The following ARFGEF1 variants were observed in gnomAD, a reference collection of about 807,000 sequenced individuals.
The protein encoded by ARFGEF1 is brefeldin A-inhibited guanine nucleotide-exchange protein 1.
In ARFGEF1, 42 loss-of-function variants were observed where a neutral mutation model predicts 231.0. The ratio of observed to expected loss-of-function variants is 0.18; its 90% CI spans 0.14 to 0.24. The LOEUF (loss-of-function observed/expected upper bound fraction) is 0.24, where lower values mean the gene tolerates loss of function less well. ARFGEF1 is among the 10% of genes least tolerant of loss of function. The pLI is 1.00. For missense variants in ARFGEF1, 1,345 were observed against 2,192.0 expected, an observed-to-expected ratio of 0.61 and a Z score of 7.72; for synonymous variants, 710 against 732.3, an observed-to-expected ratio of 0.97 and a Z score of 0.49.
chr8:67,200,198 C>T (rs112696023), intron 38 of ARFGEF1, 198 bp downstream of exon 38: 2 of 634,518 alleles, frequency 3.2e-6, no homozygotes, highest in Admixed American at 2.1e-5. Flanking sequence ...AATTAGTGAA[C>T]AAAGCTGGGT....
intron 25 of ARFGEF1, 60 bp from the exon 26 acceptor site, chr8:67,227,658 C>T: frequency 6.4e-7 from 1 of 1,550,706 alleles, no homozygotes; most frequent in Non-Finnish European, 8.8e-7. Context: ...ATCTACAATT[C>T]TTTATTTTTT....
chr8:67,339,767 T>C (rs1808518906), intron 1 of ARFGEF1, among the ~76,000 whole-genome samples: 1 of 76,596 alleles, frequency 1.3e-5, no homozygotes. Context: ...GGGCTTCTTA[T>C]CAGTTGTAAC....
chr8:67,304,600 A>G (rs1252187937), intron 1 of ARFGEF1, among the ~76,000 whole-genome samples: 3 of 152,238 alleles, frequency 2.0e-5, no homozygotes. Context: ...GCCGAGGCAC[A>G]TCGATCACTT....
intron 33 of ARFGEF1, among the ~76,000 whole-genome samples, chr8:67,215,191 AAG>A (rs1255888154): frequency 6.6e-6 from 1 of 152,198 alleles, no homozygotes; most frequent in Middle Eastern, 3.2e-3. Context: ...GAGCATACTC[AAG>A]AGTGTCATCC....
Position 67,318,129 on chromosome 8 carries a change from C to T in ARFGEF1, c.125-15663G>A, listed in dbSNP as rs111603085. Among the ~76,000 whole-genome samples the T allele has an allele frequency of 5.8e-3, 872 of 150,038 alleles. 7 individuals carry two copies. The highest frequency in any genetic ancestry group is 0.019 in the African/African-American group (787 of 40,976). On this transcript the variant is annotated intron_variant, in intron 1 of 38. Transcript: ENST00000262215. ...GCGGGCGCCTATAGTCCCAGCTACT[C>T]GGGAGGCTGATGCAGGAGAATGGCG... is the stretch of plus-strand genomic sequence containing the variant.
At position 67,203,236 on chromosome 8, in the gene ARFGEF1, A is replaced by T. The variant is rs1838395758; in HGVS notation, c.4975T>A (p.Phe1659Ile). The part of the protein sequence containing the change: ...LAAAQRDAVD[F>I]DVRVDTQDQG... ...TCTTGAGTATCAACGCGAACATCAA[A>T]GTCCACCGCATCTCTCTTTGGAAAA... is the stretch of plus-strand genomic sequence containing the variant. The change falls in exon 36 of 39, where the codon TTT becomes ATT. Residue 1659 changes from phenylalanine to isoleucine, a missense_variant. This residue lies in a region of ARFGEF1 where 161 missense variants were observed against 284.9 expected (regional missense o/e 0.57). Transcript: ENST00000262215. 1 of 1,613,934 alleles carries T rather than the reference A, an allele frequency of 6.2e-7. No homozygotes were observed. Among genetic ancestry groups the T allele is most frequent in the African/African-American group, 1.3e-5 (1 of 75,038 alleles).
At chr8:67,275,680 G>A (rs1011178611) in intron 9 of ARFGEF1, among the ~76,000 whole-genome samples, 3 of 152,044 alleles carry the variant, frequency 2.0e-5, no homozygotes, top group Non-Finnish European at 4.4e-5. Flanking sequence ...CTAGAATGCT[G>A]TCATACCCTT....
intron 22 of ARFGEF1, among the ~76,000 whole-genome samples, chr8:67,236,480 GACA>G (rs1182967613): frequency 7.1e-6 from 1 of 141,098 alleles, no homozygotes; most frequent in African/African-American, 2.6e-5. Context: ...AAATTCTGAT[GACA>G]ACATTCTGCT....
At position 67,338,201 on chromosome 8, in the gene ARFGEF1, C is replaced by T. The variant is rs993754073; in HGVS notation, c.124+4963G>A. On this transcript the variant is annotated intron_variant, in intron 1 of 38. Transcript: ENST00000262215. ...TCTACTGCTCCTTATTTCGGACTTT[C>T]TTCTCCTTCCCACACTATTAACACA... Among the ~76,000 whole-genome samples the T allele has an allele frequency of 3.3e-5, 5 of 152,184 alleles. 1 individual carries two copies. Among genetic ancestry groups the T allele is most frequent in the Admixed American group, 3.3e-4 (5 of 15,282 alleles).
intron 36 of ARFGEF1, among the ~76,000 whole-genome samples, chr8:67,202,190 C>G (rs975050678): frequency 6.6e-6 from 1 of 152,180 alleles, no homozygotes; most frequent in Non-Finnish European, 1.5e-5. Flanking sequence ...CCTTCTTTTT[C>G]TCTGCCTTAT....
chr8:67,176,811 C>G (rs1208419354), intron 5 of ARFGEF1, among the ~76,000 whole-genome samples: 1 of 152,130 alleles, frequency 6.6e-6, no homozygotes, highest in Non-Finnish European at 1.5e-5. Flanking sequence ...GTGGCTCACA[C>G]CTGTAATCCC....
chr8:67,310,627 GCCA>G (rs1244473804), intron 1 of ARFGEF1, among the ~76,000 whole-genome samples: 1 of 151,864 alleles, frequency 6.6e-6, no homozygotes, highest in African/African-American at 2.4e-5. Context: ...CCTCTTCCCG[GCCA>G]CCATCACATC....
chr8:67,175,598 TGA>T (rs1419428689), intron 5 of ARFGEF1: 2 of 797,882 alleles, frequency 2.5e-6, no homozygotes, highest in East Asian at 2.7e-5. Context: ...AGAACAAGTA[TGA>T]GAGAGAGCTC....
rs764686681 is a variant in ARFGEF1 at position 67,216,648 on chromosome 8, C to T, written c.4628G>A (p.Arg1543Gln). 4.7e-5 allele frequency: 75 copies of T among 1,608,008 alleles called. No homozygotes were observed. The East Asian group carries it at 6.8e-4, about 14-fold the overall frequency. ...GGGGGCAGTTTCTCCAGAATTGGGTCGCCAGGTCAACAGCCTTTAAGATAC... is the reference window on the plus strand; with the variant it reads ...GGGGGCAGTTTCTCCAGAATTGGGTTGCCAGGTCAACAGCCTTTAAGATAC... ...TTIPHALLTW[R>Q]PNSGETAPPP... Residue 1543 changes from arginine (R) to glutamine (Q), a missense_variant, in exon 33 of 39, where the codon CGA becomes CAA. Transcript: ENST00000262215.
rs145449785 is a variant in ARFGEF1 at position 67,309,205 on chromosome 8, A to T, written c.125-6739T>A. On this transcript the variant is annotated intron_variant, in intron 1 of 38. Coordinates refer to ENST00000262215, the MANE Select transcript of ARFGEF1 (RefSeq NM_006421.5). ...TGATTTTACTTGTATGTGGAATCTA[A>T]AAAAGTCAAACTCATAGAAGTAGAG... 3.5e-4 allele frequency among the ~76,000 whole-genome samples: 53 copies of T among 152,316 alleles called. 1 individual carries two copies. Among genetic ancestry groups the T allele is most frequent in the African/African-American group, 1.3e-3 (53 of 41,568 alleles).
intron 5 of ARFGEF1, chr8:67,177,835 A>C: frequency 1.2e-6 from 1 of 806,470 alleles, no homozygotes; most frequent in Non-Finnish European, 2.2e-6. Flanking sequence ...ATATTGAATT[A>C]AGAACGTAAG....
At chr8:67,190,840 C>A in intron 5 of ARFGEF1, 2 of 990,206 alleles carry the variant, frequency 2.0e-6, no homozygotes, top group Non-Finnish European at 3.2e-6. Context: ...ATCTGTGTGG[C>A]CCAATAAAGA....
rs865841859 is a variant in ARFGEF1 at position 67,238,991 on chromosome 8, G to T, written c.2980-98C>A. 3,078 of 619,410 alleles carry T rather than the reference G, an allele frequency of 5.0e-3. 2 individuals are homozygous for T. Among genetic ancestry groups the T allele is most frequent in the South Asian group, 0.017 (342 of 19,862 alleles). 38.4% of individuals were successfully genotyped at this position (619,410 alleles called of 1,614,324 possible). ...CTGTTTACTTGTTCAGTAAGATTTT[G>T]TTTTTTTTTTTTTTAATTTATTTAT... On this transcript the variant is annotated intron_variant, in intron 20 of 38. Coordinates refer to ENST00000262215, the MANE Select transcript of ARFGEF1 (RefSeq NM_006421.5).
rs144669510 is a variant in ARFGEF1, at chr8:67,307,184, G to A, written c.125-4718C>T. ...TCTATATATCAATTACCATAATGCC[G>A]CTAGTATTCAAAAATACTTATGGAA... is the stretch of plus-strand genomic sequence containing the variant. On this transcript the variant is annotated intron_variant, in intron 1 of 38. Coordinates refer to ENST00000262215, the MANE Select transcript of ARFGEF1 (RefSeq NM_006421.5). Among the ~76,000 whole-genome samples the A allele has an allele frequency of 1.2e-4, 19 of 152,262 alleles. No individual in the cohort carries two copies. In the East Asian group the frequency reaches 2.7e-3, roughly 22 times the overall value.
Sources: gnomAD v4.1 joint callset for allele counts (sites outside exome capture counted in the v4.1 genomes callset) on GRCh38, gnomAD v4.1.1 for gene constraint, gnomAD v4.1.1 regional missense constraint, MANE v1.5 for transcripts, NCBI Gene and HGNC (gene_info 2026-07-23, HGNC 2026-07-21) for gene names.